ADAM32: variants seen among roughly 807,000 people sequenced by gnomAD.
ADAM32 encodes the protein disintegrin and metalloproteinase domain-containing protein 32.
ADAM32 carries 89 observed loss-of-function variants against 114.9 expected under a neutral mutation model. The ratio of observed to expected loss-of-function variants is 0.77; its 90% CI spans 0.65 to 0.92. ADAM32 has a LOEUF of 0.92. ADAM32 is among the 40% of genes least tolerant of loss of function. ADAM32 has a pLI of 0.00. For missense variants in ADAM32, 870 were observed against 932.8 expected, an observed-to-expected ratio of 0.93 and a Z score of 0.88; for synonymous variants, 285 against 307.5, an observed-to-expected ratio of 0.93 and a Z score of 0.77.
In ADAM32 at chr8:39,214,171, G is replaced by A. The variant is rs1019306263; in HGVS notation, c.1233+2847G>A. 4.6e-5 allele frequency among the ~76,000 whole-genome samples: 7 copies of A among 152,142 alleles called. No homozygotes were observed. The South Asian group carries it at 1.0e-3, about 23-fold the overall frequency. On this transcript the variant is annotated intron_variant, in intron 12 of 24. Transcript: ENST00000379907. Reference sequence around the variant, plus strand: ...ATGGGCATGCAGATATCTCTTCGACGTAATGATTTCCATTCTTTTGGGTAC... The same window carrying A: ...ATGGGCATGCAGATATCTCTTCGACATAATGATTTCCATTCTTTTGGGTAC...
intron 2 of ADAM32, 142 bp downstream of exon 2, chr8:39,118,307 G>A (rs890520552): frequency 2.2e-6 from 1 of 446,414 alleles, no homozygotes; most frequent in African/African-American, 2.1e-5. Flanking sequence ...AGCTTTGATG[G>A]TAAAAGCAAA....
intron 11 of ADAM32, among the ~76,000 whole-genome samples, chr8:39,187,533 A>C (rs1325471370): frequency 1.3e-5 from 2 of 152,184 alleles, no homozygotes; most frequent in Admixed American, 1.3e-4. Flanking sequence ...GGCCTCCCAA[A>C]GTGCTGGGAT....
At chr8:39,139,605 G>A (rs529326380) in intron 3 of ADAM32, among the ~76,000 whole-genome samples, 1 of 152,296 alleles carries the variant, frequency 6.6e-6, no homozygotes, top group African/African-American at 2.4e-5. Flanking sequence ...AAGTCAGGTA[G>A]TATGATGCCT....
chr8:39,212,210 C>T (rs1426265106), intron 12 of ADAM32, among the ~76,000 whole-genome samples: 1 of 151,966 alleles, frequency 6.6e-6, no homozygotes, highest in East Asian at 1.9e-4. Flanking sequence ...GAGACGGTTT[C>T]ATCACGTTGG....
chr8:39,207,107 G>A (rs943592372), intron 11 of ADAM32, among the ~76,000 whole-genome samples: 1 of 152,164 alleles, frequency 6.6e-6, no homozygotes, highest in Non-Finnish European at 1.5e-5. Context: ...TTTTCTTGCA[G>A]TGAGGATTTG....
At chr8:39,177,079 G>A (rs575426909) in intron 10 of ADAM32, among the ~76,000 whole-genome samples, 1 of 144,742 alleles carries the variant, frequency 6.9e-6, no homozygotes, top group South Asian at 2.2e-4. Flanking sequence ...TTTTTTTGGA[G>A]ACAGGAGTCT....
intron 2 of ADAM32, chr8:39,130,137 TAG>T (rs1802353868): frequency 5.9e-6 from 1 of 170,230 alleles, no homozygotes; most frequent in South Asian, 1.3e-4. Context: ...GTATTTTTAG[TAG>T]AGATGGGGTT....
chr8:39,267,214 G>A (rs377425723), intron 19 of ADAM32, among the ~76,000 whole-genome samples: 12 of 152,328 alleles, frequency 7.9e-5, no homozygotes, highest in African/African-American at 2.9e-4. Flanking sequence ...TGGTGAGGGG[G>A]TGGAGAGAGG....
At chr8:39,207,836 G>T (rs1324648683) in intron 11 of ADAM32, among the ~76,000 whole-genome samples, 2 of 152,124 alleles carry the variant, frequency 1.3e-5, no homozygotes, top group Admixed American at 1.3e-4. Context: ...GTTTGTCTCT[G>T]TGTCTGGCTT....
intron 4 of ADAM32, among the ~76,000 whole-genome samples, chr8:39,148,764 T>A (rs895235170): frequency 5.3e-5 from 8 of 152,196 alleles, no homozygotes; most frequent in African/African-American, 1.9e-4. Flanking sequence ...TTCCTTCCCT[T>A]AGTTCCATCA....
chr8:39,274,626 T>C (rs1180840535), intron 21 of ADAM32, among the ~76,000 whole-genome samples: 1 of 152,170 alleles, frequency 6.6e-6, no homozygotes, highest in African/African-American at 2.4e-5. Context: ...AGAAAAAGAA[T>C]GTATAGGGCC....
At chr8:39,250,327 A>T (rs1165436751) in intron 17 of ADAM32, among the ~76,000 whole-genome samples, 1 of 151,526 alleles carries the variant, frequency 6.6e-6, no homozygotes, top group Non-Finnish European at 1.5e-5. Flanking sequence ...TCAAGCTCAG[A>T]GATCTTTTCT....
At chr8:39,208,855 T>C (rs4352814) in intron 11 of ADAM32, among the ~76,000 whole-genome samples, 14,242 of 152,234 alleles carry the variant, frequency 0.094, 2,245 homozygotes, top group African/African-American at 0.32. Context: ...TTGATTATTA[T>C]ATGCGTTGAG....
chr8:39,247,986 G>A (rs1019856692), intron 17 of ADAM32, among the ~76,000 whole-genome samples: 5 of 151,916 alleles, frequency 3.3e-5, no homozygotes, highest in African/African-American at 1.2e-4. Context: ...CTTTGTCAGA[G>A]ATCAGTTGAC....
intron 3 of ADAM32, among the ~76,000 whole-genome samples, chr8:39,137,034 A>G (rs560036359): frequency 5.3e-4 from 81 of 152,334 alleles, no homozygotes; most frequent in African/African-American, 1.8e-3. Flanking sequence ...GCTGGTTTAT[A>G]TCAGTTAGGG....
chr8:39,257,516 A>C (rs540226074), intron 19 of ADAM32, among the ~76,000 whole-genome samples, 173 bp downstream of exon 19: 2 of 152,204 alleles, frequency 1.3e-5, no homozygotes, highest in Admixed American at 1.3e-4. Flanking sequence ...TTTAAGACAC[A>C]AAGATTTGGA....
chr8:39,143,236 A>G (rs1218247663), intron 3 of ADAM32, among the ~76,000 whole-genome samples: 7 of 152,174 alleles, frequency 4.6e-5, no homozygotes, highest in Middle Eastern at 3.4e-3. Flanking sequence ...TCTCCGTCCA[A>G]TTTTGTTCCC....
chr8:39,222,141 A>G (rs1289346179), intron 13 of ADAM32, among the ~76,000 whole-genome samples: 1 of 152,092 alleles, frequency 6.6e-6, no homozygotes, highest in Non-Finnish European at 1.5e-5. Context: ...TGGTACATGT[A>G]GCATAACATT....
At chr8:39,160,539 CAAAAAAAAAAAAAAAAAAA>C (rs71218314) in intron 6 of ADAM32, among the ~76,000 whole-genome samples, 2 of 68,354 alleles carry the variant, frequency 2.9e-5, no homozygotes, top group Non-Finnish European at 5.0e-5. Flanking sequence ...GACTCCATCT[CAAAAAAAAAAAAAAAAAAA>C]AAAAAAAAAA....
Sources: allele counts gnomAD v4.1 joint callset (sites outside exome capture counted in the v4.1 genomes callset), GRCh38; gene constraint gnomAD v4.1.1; transcripts MANE v1.5; gene names NCBI Gene and HGNC (gene_info 2026-07-23, HGNC 2026-07-21).